Variants in KCNJ6 observed in about 807,000 individuals in gnomAD.
The protein encoded by KCNJ6 is potassium inwardly rectifying channel subfamily J member 6.
KCNJ6 carries 9 observed loss-of-function variants against 34.2 expected under a neutral mutation model. The observed-to-expected ratio is 0.26, with a 90% CI of 0.16 to 0.46. The LOEUF (loss-of-function observed/expected upper bound fraction) is 0.46, where lower values mean the gene tolerates loss of function less well. Ranked by LOEUF, KCNJ6 falls within the 20% of genes least tolerant of loss-of-function variation. The probability of loss-of-function intolerance (pLI) is 1.00; values close to 1 mark genes in which losing one functional copy is unlikely to be tolerated. For synonymous variants in KCNJ6, 196 were observed against 207.1 expected (o/e 0.95, Z 0.46); for missense variants, 236 against 531.3 (o/e 0.44, Z 5.46).
intron 1 of KCNJ6, among the ~76,000 whole-genome samples, chr21:37,845,480 C>T (rs2055502259): frequency 6.6e-6 from 1 of 152,028 alleles, no homozygotes; most frequent in South Asian, 2.1e-4. Flanking sequence ...ACTTCTTATT[C>T]ACTCATTAAC....
At chr21:37,711,697 C>A (rs1323107330) in intron 3 of KCNJ6, among the ~76,000 whole-genome samples, 1 of 151,932 alleles carries the variant, frequency 6.6e-6, no homozygotes, top group East Asian at 1.9e-4. Context: ...CCTGCTGAAG[C>A]GTAAGAGAGC....
chr21:37,882,047 C>A (rs1160485621), intron 1 of KCNJ6, among the ~76,000 whole-genome samples: 1 of 152,152 alleles, frequency 6.6e-6, no homozygotes, highest in Non-Finnish European at 1.5e-5. Context: ...CAGGGGCTGG[C>A]AGTTTTCACC....
chr21:37,793,344 G>A (rs924570750), intron 2 of KCNJ6, among the ~76,000 whole-genome samples: 2 of 152,128 alleles, frequency 1.3e-5, no homozygotes, highest in Non-Finnish European at 2.9e-5. Context: ...GTGACACCAT[G>A]AGTCACCTCT....
intron 2 of KCNJ6, 85 bp from the exon 3 acceptor site, chr21:37,715,216 G>T: frequency 1.7e-6 from 2 of 1,167,416 alleles, no homozygotes; most frequent in African/African-American, 1.5e-5. Context: ...TGTATGGGCT[G>T]GTGAAACCAA....
intron 2 of KCNJ6, 80 bp downstream of exon 2, chr21:37,840,578 C>T: frequency 2.2e-6 from 2 of 928,148 alleles, no homozygotes; most frequent in Non-Finnish European, 3.5e-6. Context: ...ATCAGATCAT[C>T]ACACGGGATG....
At chr21:37,890,879 G>A (rs973614513) in intron 1 of KCNJ6, among the ~76,000 whole-genome samples, 1 of 152,166 alleles carries the variant, frequency 6.6e-6, no homozygotes, top group African/African-American at 2.4e-5. Flanking sequence ...GTAGCCTACT[G>A]TGGGTTTCCA....
intron 3 of KCNJ6, among the ~76,000 whole-genome samples, chr21:37,680,845 T>C (rs1016508876): frequency 3.9e-5 from 6 of 152,208 alleles, no homozygotes; most frequent in African/African-American, 1.4e-4. Context: ...ATCTCTCTCT[T>C]TCTATCTCTT....
intron 3 of KCNJ6, among the ~76,000 whole-genome samples, chr21:37,679,203 C>T (rs976237099): frequency 1.3e-5 from 2 of 152,150 alleles, no homozygotes; most frequent in Admixed American, 1.3e-4. Context: ...GACTGCAGCC[C>T]CAGCCAACAT....
chr21:37,863,010 A>T (rs569904923), intron 1 of KCNJ6, among the ~76,000 whole-genome samples: 1 of 152,334 alleles, frequency 6.6e-6, no homozygotes, highest in Non-Finnish European at 1.5e-5. Flanking sequence ...CGTGCTCATG[A>T]AGAGCATAGA....
chr21:37,810,477 G>T (rs558613776), intron 2 of KCNJ6, among the ~76,000 whole-genome samples: 5 of 152,274 alleles, frequency 3.3e-5, no homozygotes, highest in African/African-American at 1.2e-4. Context: ...AAAAGATGAG[G>T]ATAATCTACT....
chr21:37,764,299 T>A (rs1461141805), intron 2 of KCNJ6, among the ~76,000 whole-genome samples: 2 of 152,080 alleles, frequency 1.3e-5, no homozygotes, highest in Admixed American at 1.3e-4. Flanking sequence ...AGCAGAGTAT[T>A]TAGGAAGCAT....
intron 2 of KCNJ6, among the ~76,000 whole-genome samples, chr21:37,720,654 A>T (rs574924848): frequency 6.6e-6 from 1 of 151,882 alleles, no homozygotes; most frequent in South Asian, 2.1e-4. Flanking sequence ...TTTCTTCCTC[A>T]TCAAAAATCA....
intron 3 of KCNJ6, among the ~76,000 whole-genome samples, chr21:37,705,476 A>G (rs1222495004): frequency 1.3e-5 from 2 of 152,236 alleles, no homozygotes; most frequent in Non-Finnish European, 2.9e-5. Context: ...TAGGCATGAA[A>G]TAAATGACAG....
intron 2 of KCNJ6, among the ~76,000 whole-genome samples, chr21:37,727,232 CT>C (rs1397892696): frequency 6.6e-6 from 1 of 152,168 alleles, no homozygotes; most frequent in East Asian, 1.9e-4. Flanking sequence ...GGATAAGTCT[CT>C]TTTGTTTTAA....
rs2054592172 is a variant in KCNJ6 at position 37,681,825 on chromosome 21, G to A, written c.946+32386C>T. Among the ~76,000 whole-genome samples, 3 of 152,096 alleles carry A rather than the reference G, an allele frequency of 2.0e-5. No homozygotes were observed. The South Asian group carries it at 6.2e-4, about 32-fold the overall frequency. On this transcript the variant is annotated intron_variant, in intron 3 of 3. Coordinates refer to ENST00000609713, the MANE Select transcript of KCNJ6 (RefSeq NM_002240.5). ...CGACCCAAATCACATTTTCTAGAAGGTCATACCTCTGAGTAGTAACCTTGG... is the reference window on the plus strand; with the variant it reads ...CGACCCAAATCACATTTTCTAGAAGATCATACCTCTGAGTAGTAACCTTGG...
intron 1 of KCNJ6, among the ~76,000 whole-genome samples, chr21:37,912,453 T>G (rs548147388): frequency 1.6e-4 from 24 of 152,326 alleles, no homozygotes; most frequent in Non-Finnish European, 3.2e-4. Flanking sequence ...TTAGAGAAAT[T>G]GAACTTTAGA....
chr21:37,716,255 AAAAGGGTGGGGAAAT>A (rs2054790177), intron 2 of KCNJ6, among the ~76,000 whole-genome samples: 1 of 152,160 alleles, frequency 6.6e-6, no homozygotes, highest in Admixed American at 6.6e-5. Flanking sequence ...AGGTAAGTAA[AAAAGGGTGGGGAAAT>A]GTTCTCTCTG....
chr21:37,721,541 G>A (rs1223494234), intron 2 of KCNJ6, among the ~76,000 whole-genome samples: 3 of 152,158 alleles, frequency 2.0e-5, no homozygotes, highest in South Asian at 2.1e-4. Flanking sequence ...GAAATGAATC[G>A]CTAAACAAAA....
At chr21:37,774,931 T>A (rs2055135104) in intron 2 of KCNJ6, among the ~76,000 whole-genome samples, 1 of 152,234 alleles carries the variant, frequency 6.6e-6, no homozygotes, top group South Asian at 2.1e-4. Context: ...CCACGCTGAC[T>A]TCCACAATGG....
Sources: allele counts gnomAD v4.1 joint callset (sites outside exome capture counted in the v4.1 genomes callset), GRCh38; gene constraint gnomAD v4.1.1; transcripts MANE v1.5; gene names NCBI Gene and HGNC (gene_info 2026-07-23, HGNC 2026-07-21).